SEZ6L: variants seen among roughly 807,000 people sequenced by gnomAD.
The protein encoded by SEZ6L is seizure 6-like protein.
Under a neutral mutation model 106.2 loss-of-function variants are expected in SEZ6L, and 37 were observed. That is an observed-to-expected ratio of 0.35 (90% CI 0.27 to 0.46). SEZ6L has a LOEUF of 0.46. Ranked by LOEUF, SEZ6L falls within the 20% of genes least tolerant of loss-of-function variation. SEZ6L has a pLI of 1.00. For missense variants in SEZ6L, 1,172 were observed against 1,332.8 expected, an observed-to-expected ratio of 0.88 and a Z score of 1.88; for synonymous variants, 541 against 570.4, an observed-to-expected ratio of 0.95 and a Z score of 0.73.
chr22:26,250,783 T>C (rs544323943), intron 1 of SEZ6L, among the ~76,000 whole-genome samples: 1 of 152,350 alleles, frequency 6.6e-6, no homozygotes. Flanking sequence ...ATTATTTCAA[T>C]TCATGAATAT....
At chr22:26,343,324 C>CAAA (rs763323751) in intron 10 of SEZ6L, among the ~76,000 whole-genome samples, 6 of 63,100 alleles carry the variant, frequency 9.5e-5, no homozygotes, top group Non-Finnish European at 9.8e-5. Context: ...GCTTGATGGC[C>CAAA]AAAAAAAAAA....
At chr22:26,351,031 G>A (rs781226603) in intron 11 of SEZ6L, 21 bp from the exon 12 acceptor site, 5 of 1,599,552 alleles carry the variant, frequency 3.1e-6, no homozygotes, top group Non-Finnish European at 4.3e-6. Flanking sequence ...CGTCCTCTTG[G>A]TCTGGTTTCA....
intron 1 of SEZ6L, among the ~76,000 whole-genome samples, chr22:26,206,483 T>C (rs2145689716): frequency 6.6e-6 from 1 of 152,342 alleles, no homozygotes; most frequent in African/African-American, 2.4e-5. Flanking sequence ...ACCATCCCCA[T>C]TTTGAAAATA....
intron 9 of SEZ6L, among the ~76,000 whole-genome samples, chr22:26,318,520 T>G (rs1301565502): frequency 6.6e-6 from 1 of 152,182 alleles, no homozygotes; most frequent in Non-Finnish European, 1.5e-5. Context: ...ATTGCAGCAA[T>G]GAAGAAATTC....
At chr22:26,218,040 C>T (rs1364541903) in intron 1 of SEZ6L, among the ~76,000 whole-genome samples, 2 of 152,170 alleles carry the variant, frequency 1.3e-5, no homozygotes, top group Non-Finnish European at 2.9e-5. Context: ...CACTTCCTGC[C>T]GTTGATAAAC....
chr22:26,195,048 C>T (rs1314486616), intron 1 of SEZ6L, among the ~76,000 whole-genome samples: 1 of 152,172 alleles, frequency 6.6e-6, no homozygotes, highest in Admixed American at 6.5e-5. Flanking sequence ...GCAAAGCCTC[C>T]CAGGCACAAC....
chr22:26,224,313 A>G (rs1366868169), intron 1 of SEZ6L, among the ~76,000 whole-genome samples: 1 of 152,234 alleles, frequency 6.6e-6, no homozygotes, highest in African/African-American at 2.4e-5. Context: ...GGTATGGGGC[A>G]GAAGGAGACC....
intron 9 of SEZ6L, among the ~76,000 whole-genome samples, chr22:26,332,928 CT>C (rs1272906376): frequency 1.3e-5 from 2 of 152,186 alleles, no homozygotes; most frequent in Non-Finnish European, 2.9e-5. Context: ...CTGGTTGAGC[CT>C]CAGTTTCCTT....
chr22:26,372,279 T>A (rs191876987), intron 13 of SEZ6L, among the ~76,000 whole-genome samples: 2 of 152,218 alleles, frequency 1.3e-5, no homozygotes, highest in Non-Finnish European at 2.9e-5. Flanking sequence ...GTGGGGTTCA[T>A]GAGCACAGGG....
intron 1 of SEZ6L, among the ~76,000 whole-genome samples, chr22:26,236,303 G>T (rs1390615866): frequency 6.6e-6 from 1 of 152,182 alleles, no homozygotes; most frequent in East Asian, 1.9e-4. Flanking sequence ...AACAGAGGGG[G>T]ACCGACCCTC....
chr22:26,275,695 T>C (rs1403547684), intron 1 of SEZ6L, among the ~76,000 whole-genome samples: 2 of 152,160 alleles, frequency 1.3e-5, no homozygotes, highest in East Asian at 3.9e-4. Context: ...CACCCCCACC[T>C]CCTAGGTGCC....
intron 13 of SEZ6L, among the ~76,000 whole-genome samples, chr22:26,371,005 CAAAA>C (rs59911432): frequency 2.0e-4 from 22 of 109,980 alleles, no homozygotes; most frequent in Admixed American, 3.0e-4. Flanking sequence ...CCCTGTATCA[CAAAA>C]AAAAAAAAAA....
At chr22:26,330,387 A>C (rs905088979) in intron 9 of SEZ6L, among the ~76,000 whole-genome samples, 1 of 152,194 alleles carries the variant, frequency 6.6e-6, no homozygotes, top group African/African-American at 2.4e-5. Flanking sequence ...GTGCATGTAA[A>C]GTGCCTTGAA....
chr22:26,290,973 A>C (rs571983724), intron 1 of SEZ6L, among the ~76,000 whole-genome samples: 1 of 152,288 alleles, frequency 6.6e-6, no homozygotes, highest in African/African-American at 2.4e-5. Context: ...CTGCTTTTAC[A>C]CTGTTGGTGG....
chr22:26,321,722 G>C (rs139849003), intron 9 of SEZ6L, among the ~76,000 whole-genome samples: 2 of 152,230 alleles, frequency 1.3e-5, no homozygotes, highest in Non-Finnish European at 2.9e-5. Context: ...TCCATCCTCC[G>C]GGCCCCTCAG....
chr22:26,365,089 G>C (rs548786815), intron 12 of SEZ6L: 1 of 296,194 alleles, frequency 3.4e-6, no homozygotes, highest in Non-Finnish European at 6.4e-6. Flanking sequence ...GATCAGAAAG[G>C]TTATGCCACT....
Position 26,292,785 on chromosome 22 carries a change from C to T in SEZ6L, c.474C>T (p.Ser158=). The T allele has an allele frequency of 1.2e-6, 2 of 1,614,178 alleles. No individual in the cohort carries two copies. Among genetic ancestry groups the T allele is most frequent in the Non-Finnish European group, 1.7e-6 (2 of 1,179,982 alleles). Residue 158 remains serine (S), a synonymous_variant, in exon 2 of 17, where the codon TCC becomes TCT. Coordinates refer to ENST00000248933, the MANE Select transcript of SEZ6L (RefSeq NM_021115.5). The part of the protein sequence containing the change: ...QPASQGLDLL[S]SSTEKPGPPG... ...CGTCCCAGGGCCTAGATCTCCTCTC[C>T]TCCTCCACGGAGAAGCCTGGCCCAC...
intron 1 of SEZ6L, among the ~76,000 whole-genome samples, chr22:26,235,568 T>G (rs1428050408): frequency 6.6e-6 from 1 of 151,916 alleles, no homozygotes; most frequent in Non-Finnish European, 1.5e-5. Flanking sequence ...ATTTGAGATA[T>G]GGACACATTC....
chr22:26,367,529 A>G (rs2083861204), intron 13 of SEZ6L, among the ~76,000 whole-genome samples: 1 of 151,922 alleles, frequency 6.6e-6, no homozygotes, highest in South Asian at 2.1e-4. Context: ...ATTTTTGTAG[A>G]GATGGGGGTC....
Sources: gnomAD v4.1 joint callset for allele counts (sites outside exome capture counted in the v4.1 genomes callset) on GRCh38, gnomAD v4.1.1 for gene constraint, MANE v1.5 for transcripts, NCBI Gene and HGNC (gene_info 2026-07-23, HGNC 2026-07-21) for gene names.